The following ZNF43 variants were observed in gnomAD, a reference collection of about 807,000 sequenced individuals.
ZNF43 encodes the protein zinc finger protein 39-like 1 (KOX 27).
A neutral mutation model predicts 68.4 loss-of-function variants in ZNF43; 44 were observed. The observed-to-expected ratio is 0.64, with a 90% confidence interval of 0.51 to 0.83. The LOEUF (loss-of-function observed/expected upper bound fraction) is 0.83, where lower values mean the gene tolerates loss of function less well. Ranked by LOEUF, ZNF43 falls within the 40% of genes least tolerant of loss-of-function variation. The pLI is 0.00. For synonymous variants in ZNF43, 308 were observed against 307.8 expected (o/e 1.00, Z -0.01); for missense variants, 896 against 933.2 (o/e 0.96, Z 0.52).
At chr19:21,829,038 A>G (rs1335811796) in intron 1 of ZNF43, among the ~76,000 whole-genome samples, 2 of 122,694 alleles carry the variant, frequency 1.6e-5, no homozygotes, top group African/African-American at 3.6e-5. Flanking sequence ...GTCTCAAAAA[A>G]AAAAAAAAAA....
upstream of ZNF43, chr19:21,840,800 A>T (rs1455090481): frequency 6.6e-6 from 1 of 152,124 alleles, no homozygotes; most frequent in African/African-American, 2.4e-5. Context: ...TTGCTCTGAG[A>T]CTTTTTTTTC....
At chr19:21,850,242 G>C (rs1328130017) in intron 1 of ZNF43, among the ~76,000 whole-genome samples, 1 of 152,210 alleles carries the variant, frequency 6.6e-6, no homozygotes, top group Non-Finnish European at 1.5e-5. Flanking sequence ...TTGATGCAGA[G>C]ATATGTCACA....
At chr19:21,844,034 T>G (rs1383366877) in intron 1 of ZNF43, among the ~76,000 whole-genome samples, 1 of 152,082 alleles carries the variant, frequency 6.6e-6, no homozygotes, top group Non-Finnish European at 1.5e-5. Flanking sequence ...ACTCAGTGTA[T>G]TACCCGAGGG....
At chr19:21,824,794 A>C (rs1023493669) in intron 1 of ZNF43, among the ~76,000 whole-genome samples, 2 of 152,152 alleles carry the variant, frequency 1.3e-5, no homozygotes, top group Non-Finnish European at 2.9e-5. Flanking sequence ...CATGAATATA[A>C]GTAAATCATT....
At chr19:21,828,558 A>G (rs2145292668) in intron 1 of ZNF43, among the ~76,000 whole-genome samples, 1 of 151,996 alleles carries the variant, frequency 6.6e-6, no homozygotes, top group African/African-American at 2.4e-5. Flanking sequence ...CTACTCTAAA[A>G]GTACAAAATT....
intron 1 of ZNF43, among the ~76,000 whole-genome samples, chr19:21,835,296 G>C (rs2145347036): frequency 6.8e-6 from 1 of 147,522 alleles, no homozygotes; most frequent in East Asian, 2.0e-4. Flanking sequence ...TTGATAACGT[G>C]AATTGCGGAG....
intron 3 of ZNF43, among the ~76,000 whole-genome samples, chr19:21,810,590 C>CA (rs1256530614): frequency 1.3e-5 from 2 of 152,166 alleles, no homozygotes; most frequent in African/African-American, 4.8e-5. Flanking sequence ...AAAAGCAAGA[C>CA]AATATACAAT....
intron 1 of ZNF43, among the ~76,000 whole-genome samples, chr19:21,829,540 G>C (rs576520901): frequency 6.6e-6 from 1 of 152,028 alleles, no homozygotes. Flanking sequence ...TCAAGGATAA[G>C]CAATGAATCT....
intron 3 of ZNF43, among the ~76,000 whole-genome samples, chr19:21,812,932 C>CAA (rs36028544): frequency 0.025 from 3,621 of 147,500 alleles, 156 homozygotes; most frequent in African/African-American, 0.083. Flanking sequence ...GACTCCATCT[C>CAA]AAAAAAAAAT....
intron 3 of ZNF43, among the ~76,000 whole-genome samples, chr19:21,815,256 CAA>C (rs1228785953): frequency 6.6e-6 from 1 of 151,574 alleles, no homozygotes; most frequent in Non-Finnish European, 1.5e-5. Flanking sequence ...TAGATAACTA[CAA>C]TATTTGTAAC....
Position 21,808,404 on chromosome 19 carries a change from T to C in ZNF43, c.1633A>G (p.Lys545Glu). The C allele has an allele frequency of 6.2e-7, 1 of 1,613,174 alleles. No individual in the cohort carries two copies. The highest frequency in any genetic ancestry group is 1.3e-5 in the African/African-American group (1 of 75,046). The change falls in exon 4 of 4, where the codon AAA (lysine) becomes GAA (glutamate). Residue 545 changes from lysine to glutamate, a missense_variant. By Grantham distance (56) the Lys-to-Glu change is moderately conservative (BLOSUM62 1). Transcript: ENST00000354959. ...AGGATTGAGAAATGGTTAAAAGCTT[T>C]GCCACATTCTTCACATTTGTAGGGT... ...EKPYKCEECG[K>E]AFNHFSILTK... is the part of the protein sequence containing the mutation.
At position 21,809,617 on chromosome 19, in the gene ZNF43, A is replaced by C; in HGVS notation, c.420T>G (p.Ala140=). 1 of 1,612,088 alleles carries C rather than the reference A, an allele frequency of 6.2e-7. No homozygotes were observed. The highest frequency in any genetic ancestry group is 8.5e-7 in the Non-Finnish European group (1 of 1,179,220). The change falls in exon 4 of 4, where the codon GCT becomes GCG. Residue 140 remains alanine, a synonymous_variant. Transcript: ENST00000354959. ...GYNGFNQCLP[A]TQSKIFLFDK... is the part of the protein sequence containing the mutation. Reference sequence around the variant, plus strand: ...CAAATAGAAATATTTTGCTCTGGGTAGCTGGCAAACATTGGTTAAATCCAT... The same window carrying C: ...CAAATAGAAATATTTTGCTCTGGGTCGCTGGCAAACATTGGTTAAATCCAT...
chr19:21,840,964 T>C (rs1599539393), upstream of ZNF43: 1 of 152,206 alleles, frequency 6.6e-6, no homozygotes, highest in African/African-American at 2.4e-5. Flanking sequence ...CATGATTACA[T>C]ATGACAGTCA....
chr19:21,805,143 T>C lies in ZNF43; in HGVS notation c.*2464A>G, dbSNP rs1204056830. 1 of 152,148 alleles carries C rather than the reference T, an allele frequency of 6.6e-6. No individual in the cohort carries two copies. The highest frequency in any genetic ancestry group is 2.4e-5 in the African/African-American group (1 of 41,446). The allele number at this position is 152,148 out of a possible 1,614,324, so 9.4% of individuals were successfully genotyped here. A position where few individuals can be genotyped will look rare whatever the true frequency, so the allele number is the denominator to read the frequency against. On this transcript the variant is annotated 3_prime_UTR_variant, in exon 4 of 4. Transcript: ENST00000354959. ...GTGACTAATACATATTATATGCCTG[T>C]ATCAAAACATGTTATATATTGCATA... is the stretch of plus-strand genomic sequence containing the variant.
intron 1 of ZNF43, among the ~76,000 whole-genome samples, chr19:21,820,618 GAA>G: frequency 6.6e-6 from 1 of 151,558 alleles, no homozygotes; most frequent in South Asian, 2.1e-4. Flanking sequence ...ATTATTTAGG[GAA>G]AGAGTCTGTC....
In ZNF43 at chr19:21,849,512, AAAAGT is replaced by A. The variant is rs1206313475; in HGVS notation, c.30+2388_30+2392del. Among the ~76,000 whole-genome samples the A allele has an allele frequency of 5.4e-4, 80 of 148,772 alleles. 1 individual carries two copies. Among genetic ancestry groups the A allele is most frequent in the African/African-American group, 1.8e-3 (71 of 39,716 alleles). Reference sequence around the variant, plus strand: ...TCAAAAAAAAAAAAAAAAAAAAAAAAAAAGTGGTAATTCTCAGTTGGGCATGGTAG... The same window carrying A: ...TCAAAAAAAAAAAAAAAAAAAAAAAAGGTAATTCTCAGTTGGGCATGGTAG... On this transcript the variant is annotated intron_variant, in intron 1 of 3. Coordinates refer to the ZNF43 transcript ENST00000357491.
chr19:21,808,316 G>T lies in ZNF43; in HGVS notation c.1721C>A (p.Ala574Asp). ...AGTAAGGTTTGAGGATTGGGTAAAA[G>T]CTTTGCCACATTCTTCACACTTGTA... ...KPYKCEECGK[A>D]FTQSSNLTTH... The change falls in exon 4 of 4, where the codon GCT becomes GAT. Residue 574 changes from alanine to aspartate, a missense_variant. Physicochemically the swap from Ala to Asp is moderately radical, Grantham distance 126 (BLOSUM62 -2). Transcript: ENST00000354959. The T allele has an allele frequency of 6.2e-7, 1 of 1,613,338 alleles. No individual in the cohort carries two copies. Among genetic ancestry groups the T allele is most frequent in the South Asian group, 1.1e-5 (1 of 91,040 alleles).
rs1428894586 is a variant in ZNF43, at chr19:21,817,947, T to C, written c.170A>G (p.Glu57Gly). 1.2e-6 allele frequency: 2 copies of C among 1,613,504 alleles called. No individual in the cohort carries two copies. Among genetic ancestry groups the C allele is most frequent in the South Asian group, 1.1e-5 (1 of 91,074 alleles). The change falls in exon 3 of 4, where the codon GAG becomes GGG. Residue 57 changes from glutamate to glycine, a missense_variant. Physicochemically the swap from Glu to Gly is moderately conservative, Grantham distance 98 (BLOSUM62 -2). Coordinates refer to ENST00000354959, the MANE Select transcript of ZNF43 (RefSeq NM_003423.4). The stretch of plus-strand genomic sequence containing the variant: ...AGGCTCCCAAGGCTCTTTTTCTTGC[T>C]CCAGACAGGTGATCAGGTCTGGCTT... Reference protein sequence around the residue: ...VSKPDLITCLEQEKEPWEPMR... With the variant: ...VSKPDLITCLGQEKEPWEPMR...
rs988784599 is a variant in ZNF43, at chr19:21,806,562, T to C, written c.*1045A>G. ...TCTCATATCTTTGGTGCAGCAACAATTGGTCACATGCTTTCACATGTGAAT... is the reference window on the plus strand; with the variant it reads ...TCTCATATCTTTGGTGCAGCAACAACTGGTCACATGCTTTCACATGTGAAT... On this transcript the variant is annotated 3_prime_UTR_variant, in exon 4 of 4. Transcript: ENST00000354959. The C allele has an allele frequency of 6.6e-6, 1 of 152,144 alleles. No homozygotes were observed. Among genetic ancestry groups the C allele is most frequent in the Non-Finnish European group, 1.5e-5 (1 of 68,028 alleles). 9.4% of individuals were successfully genotyped at this position (152,144 alleles called of 1,614,324 possible).
Sources: allele counts gnomAD v4.1 joint callset (sites outside exome capture counted in the v4.1 genomes callset), GRCh38; gene constraint gnomAD v4.1.1; transcripts MANE v1.5; gene names NCBI Gene and HGNC (gene_info 2026-07-23, HGNC 2026-07-21).